The following PAWR variants were observed in gnomAD, a reference collection of about 807,000 sequenced individuals.
PAWR encodes the protein PRKC apoptosis WT1 regulator protein.
A neutral mutation model predicts 32.0 loss-of-function variants in PAWR; 23 were observed. The ratio of observed to expected loss-of-function variants is 0.72; its 90% CI spans 0.52 to 1.02. The LOEUF is 1.02. Among genes scored for constraint, PAWR ranks in the 50% least tolerant of loss-of-function variants. PAWR has a pLI of 0.00. For missense variants in PAWR, 457 were observed against 437.7 expected (o/e 1.04, Z -0.39); for synonymous variants, 226 against 187.1 (o/e 1.21, Z -1.70).
At position 79,587,939 on chromosome 12, in the gene PAWR, A is replaced by C. The variant is rs1412191344; in HGVS notation, c.*4668T>G. 2.0e-5 allele frequency: 3 copies of C among 152,036 alleles called. No homozygotes were observed. Among genetic ancestry groups the C allele is most frequent in the Non-Finnish European group, 4.4e-5 (3 of 67,864 alleles). The allele number at this position is 152,036 out of a possible 1,614,324, so 9.4% of individuals were successfully genotyped here. A position where few individuals can be genotyped will look rare whatever the true frequency, so the allele number is the denominator to read the frequency against. The stretch of plus-strand genomic sequence containing the variant: ...TAACACAATACTAATGTGTTCAATA[A>C]ATTATCCAGATGTTTTTCCACAAAT... On this transcript the variant is annotated 3_prime_UTR_variant, in exon 7 of 7. Transcript: ENST00000328827.
intron 2 of PAWR, among the ~76,000 whole-genome samples, chr12:79,662,201 C>CAAAAAAAAA (rs57565065): frequency 2.2e-5 from 1 of 45,706 alleles, no homozygotes. Flanking sequence ...AGACATCTCT[C>CAAAAAAAAA]AAAAAAAAAA....
Position 79,690,122 on chromosome 12 carries a change from G to C in PAWR, c.123C>G (p.Pro41=). The change falls in exon 2 of 7, where the codon CCC becomes CCG. Residue 41 remains proline, a synonymous_variant. Coordinates refer to ENST00000328827, the MANE Select transcript of PAWR (RefSeq NM_002583.4). ...CGGCGTCGCTGCTGCCCCCTCCCGG[G>C]GGGGCCGGGCCCGGGGGGTTCTGCT... ...RAKQNPPGPA[P]PGGGSSDAAG... 6.6e-7 allele frequency: 1 copy of C among 1,504,708 alleles called. No homozygotes were observed. The highest frequency in any genetic ancestry group is 8.8e-7 in the Non-Finnish European group (1 of 1,130,534). 93.2% of individuals were successfully genotyped at this position (1,504,708 alleles called of 1,614,324 possible).
At chr12:79,596,023 T>C (rs1873736189) in intron 5 of PAWR, among the ~76,000 whole-genome samples, 1 of 152,136 alleles carries the variant, frequency 6.6e-6, no homozygotes, top group Non-Finnish European at 1.5e-5. Context: ...AGATCTTTAA[T>C]AATATAGAGA....
At chr12:79,652,017 T>A (rs1490064215) in intron 2 of PAWR, among the ~76,000 whole-genome samples, 2 of 152,050 alleles carry the variant, frequency 1.3e-5, no homozygotes, top group African/African-American at 4.8e-5. Context: ...ATATGTATGA[T>A]CTCCCTTCTA....
intron 2 of PAWR, among the ~76,000 whole-genome samples, chr12:79,630,930 G>A (rs887074655): frequency 3.3e-5 from 5 of 151,320 alleles, no homozygotes; most frequent in Non-Finnish European, 7.4e-5. Flanking sequence ...AGACAAAAAG[G>A]CCTTTGCAAA....
intron 4 of PAWR, among the ~76,000 whole-genome samples, chr12:79,611,956 G>A (rs891826487): frequency 2.0e-5 from 3 of 151,964 alleles, no homozygotes; most frequent in African/African-American, 7.2e-5. Flanking sequence ...AGTGTCATTC[G>A]TACTTTAAGA....
At chr12:79,662,683 G>A (rs1877408021) in intron 2 of PAWR, among the ~76,000 whole-genome samples, 1 of 152,132 alleles carries the variant, frequency 6.6e-6, no homozygotes, top group Non-Finnish European at 1.5e-5. Flanking sequence ...TCCAGACTAA[G>A]AAATGCACAA....
intron 4 of PAWR, chr12:79,603,664 G>A (rs977158575): frequency 3.5e-5 from 5 of 142,242 alleles, no homozygotes; most frequent in Non-Finnish European, 7.6e-5. Context: ...GCATCATTAT[G>A]CTATTTTTTT....
intron 6 of PAWR, 38 bp from the exon 7 acceptor site, chr12:79,592,731 A>T (rs540957327): frequency 1.4e-6 from 1 of 703,820 alleles, no homozygotes; most frequent in Admixed American, 2.5e-5. Flanking sequence ...AATACTTAAA[A>T]ATATTTGAGG....
rs1158045114 is a variant in PAWR, at chr12:79,586,121, G to A, written c.*6486C>T. 1 of 152,062 alleles carries A rather than the reference G, an allele frequency of 6.6e-6. No individual in the cohort carries two copies. The highest frequency in any genetic ancestry group is 1.5e-5 in the Non-Finnish European group (1 of 68,004). 9.4% of individuals were successfully genotyped at this position (152,062 alleles called of 1,614,324 possible). On this transcript the variant is annotated 3_prime_UTR_variant, in exon 7 of 7. Transcript: ENST00000328827. The stretch of plus-strand genomic sequence containing the variant: ...TTTTACTTTAATGATGTTGTTTATT[G>A]TCCTAAGCCATCCATACACAAAACG...
chr12:79,630,843 C>T (rs1381907119), intron 2 of PAWR, among the ~76,000 whole-genome samples: 3 of 147,590 alleles, frequency 2.0e-5, no homozygotes, highest in African/African-American at 5.1e-5. Flanking sequence ...GCCAACAATG[C>T]TCTGGTACCA....
At chr12:79,625,718 G>A (rs1180917843) in intron 2 of PAWR, among the ~76,000 whole-genome samples, 1 of 152,014 alleles carries the variant, frequency 6.6e-6, no homozygotes, top group African/African-American at 2.4e-5. Context: ...TACTCGGGAG[G>A]CTAAGGCAGG....
At chr12:79,654,729 G>T (rs976187949) in intron 2 of PAWR, among the ~76,000 whole-genome samples, 1 of 152,212 alleles carries the variant, frequency 6.6e-6, no homozygotes, top group Admixed American at 6.5e-5. Flanking sequence ...AAGGTGGCAG[G>T]AGAGTGTGAG....
At chr12:79,660,705 TC>T (rs907572150) in intron 2 of PAWR, among the ~76,000 whole-genome samples, 37 of 151,230 alleles carry the variant, frequency 2.4e-4, no homozygotes, top group African/African-American at 9.0e-4. Flanking sequence ...TGCCTCAGTC[TC>T]CCGAGTAGCT....
At chr12:79,647,287 A>T (rs990109652) in intron 2 of PAWR, among the ~76,000 whole-genome samples, 2 of 152,192 alleles carry the variant, frequency 1.3e-5, no homozygotes, top group Non-Finnish European at 1.5e-5. Context: ...GTTAAACTTT[A>T]AAGTTAAACT....
At chr12:79,646,627 T>C (rs775361645) in intron 2 of PAWR, among the ~76,000 whole-genome samples, 8 of 152,124 alleles carry the variant, frequency 5.3e-5, no homozygotes, top group Non-Finnish European at 1.0e-4. Context: ...GAAAAAGACT[T>C]AATTGTGGTC....
chr12:79,674,263 A>G (rs1565701607), intron 2 of PAWR, among the ~76,000 whole-genome samples: 1 of 152,100 alleles, frequency 6.6e-6, no homozygotes, highest in Admixed American at 6.6e-5. Flanking sequence ...ACCTACAACC[A>G]TCTGATCTTT....
rs1873588362 is a variant in PAWR at position 79,592,429 on chromosome 12, T to C, written c.*178A>G. On this transcript the variant is annotated 3_prime_UTR_variant, in exon 7 of 7. Coordinates refer to ENST00000328827, the MANE Select transcript of PAWR (RefSeq NM_002583.4). Reference sequence around the variant, plus strand: ...TATTTGTGAGATAAAAGGATAATGCTTTTTTAAAACCAATAATGAAAAAGA... The same window carrying C: ...TATTTGTGAGATAAAAGGATAATGCCTTTTTAAAACCAATAATGAAAAAGA... 4 of 497,836 alleles carry C rather than the reference T, an allele frequency of 8.0e-6. No homozygotes were observed. In the Middle Eastern group the frequency reaches 1.6e-3, roughly 193 times the overall value. 30.8% of individuals were successfully genotyped at this position (497,836 alleles called of 1,614,324 possible). A position where few individuals can be genotyped will look rare whatever the true frequency, so the allele number is the denominator to read the frequency against.
intron 4 of PAWR, among the ~76,000 whole-genome samples, chr12:79,602,559 TA>T (rs1179701034): frequency 6.6e-6 from 1 of 151,974 alleles, no homozygotes; most frequent in African/African-American, 2.4e-5. Flanking sequence ...AATGAATGGA[TA>T]AGGGCAAGAT....
Sources: allele counts gnomAD v4.1 joint callset (sites outside exome capture counted in the v4.1 genomes callset), GRCh38; gene constraint gnomAD v4.1.1; transcripts MANE v1.5; gene names NCBI Gene and HGNC (gene_info 2026-07-23, HGNC 2026-07-21).